Variants in NEXMIF observed in about 807,000 individuals in gnomAD.
The protein encoded by NEXMIF is neurite extension and migration factor, also known as XLMR protein related to neurite extension.
A neutral mutation model predicts 62.1 loss-of-function variants in NEXMIF; 8 were observed. The ratio of observed to expected loss-of-function variants is 0.13; its 90% CI spans 0.08 to 0.23. The LOEUF is 0.23. Ranked by LOEUF, NEXMIF falls within the 10% of genes least tolerant of loss-of-function variation. The pLI is 1.00. For synonymous variants in NEXMIF, 404 were observed against 416.6 expected, an observed-to-expected ratio of 0.97 and a Z score of 0.37; for missense variants, 976 against 1,113.3, an observed-to-expected ratio of 0.88 and a Z score of 1.75.
chrX:74,922,268 G>A (rs2080829511), intron 1 of NEXMIF, among the ~76,000 whole-genome samples: 1 of 111,374 alleles, frequency 9.0e-6, no homozygotes, highest in African/African-American at 3.3e-5. Context: ...GAGGGAAAAG[G>A]GACAGACTTG....
At chrX:74,763,891 T>A (rs924297943) in intron 1 of NEXMIF, among the ~76,000 whole-genome samples, 3 of 112,030 alleles carry the variant, frequency 2.7e-5, no homozygotes, top group African/African-American at 9.7e-5. Context: ...GTTTTGTAGA[T>A]ATACAATCAT....
intron 1 of NEXMIF, among the ~76,000 whole-genome samples, chrX:74,809,399 C>A (rs2080354207): frequency 8.9e-6 from 1 of 112,093 alleles, no homozygotes; most frequent in African/African-American, 3.2e-5. Flanking sequence ...ATCTGTCAAG[C>A]ATGGAGCCTG....
intron 1 of NEXMIF, among the ~76,000 whole-genome samples, chrX:74,789,221 G>A (rs1159348097): frequency 7.8e-5 from 8 of 102,083 alleles, no homozygotes; most frequent in Admixed American, 1.1e-4. Context: ...GAGAATATGC[G>A]GTGTTTGGTT....
chrX:74,742,991 T>G lies in NEXMIF; in HGVS notation c.1566A>C (p.Glu522Asp), dbSNP rs757681423. 11 of 1,211,485 alleles carry G rather than the reference T, an allele frequency of 9.1e-6. No homozygotes were observed. The highest frequency in any genetic ancestry group is 1.2e-5 in the Non-Finnish European group (11 of 895,390). ...PVGSKEEDDD[E>D]WCPKKRRKVT... ...CTTTTCTTCTCTTTTTGGGACACCA[T>G]TCATCATCATCTTCCTCTTTGGAAC... Residue 522 changes from glutamate (E) to aspartate (D), a missense_variant, in exon 3 of 4, where the codon GAA (glutamate) becomes GAC (aspartate). By Grantham distance (45) the Glu-to-Asp change is conservative. Around this residue, in one of 5 missense-constraint regions of NEXMIF, gnomAD observed 639 missense variants for 694.5 expected, o/e 0.92. Coordinates refer to ENST00000055682, the MANE Select transcript of NEXMIF (RefSeq NM_001008537.3).
At chrX:74,810,650 A>AC (rs2080357667) in intron 1 of NEXMIF, among the ~76,000 whole-genome samples, 1 of 108,075 alleles carries the variant, frequency 9.3e-6, no homozygotes, top group Non-Finnish European at 1.9e-5. Flanking sequence ...AAAAAAAAAA[A>AC]GGAAATCTGT....
intron 1 of NEXMIF, among the ~76,000 whole-genome samples, chrX:74,748,596 T>C (rs1281568240): frequency 8.9e-6 from 1 of 112,337 alleles, no homozygotes; most frequent in Admixed American, 9.4e-5. Context: ...ATTGCTTTGC[T>C]GATCACAGTA....
intron 1 of NEXMIF, among the ~76,000 whole-genome samples, chrX:74,885,122 G>A (rs1236976879): frequency 9.1e-6 from 1 of 110,387 alleles, no homozygotes; most frequent in East Asian, 2.8e-4. Flanking sequence ...CAACATACCA[G>A]AATCTCTGGG....
intron 1 of NEXMIF, among the ~76,000 whole-genome samples, chrX:74,920,974 G>A (rs1215406087): frequency 9.0e-6 from 1 of 111,560 alleles, no homozygotes; most frequent in Non-Finnish European, 1.9e-5. Flanking sequence ...GGGCTTGAGG[G>A]TGCTAGAGAA....
At chrX:74,791,213 T>C (rs1195741264) in intron 1 of NEXMIF, among the ~76,000 whole-genome samples, 1 of 111,898 alleles carries the variant, frequency 8.9e-6, no homozygotes, top group African/African-American at 3.3e-5. Flanking sequence ...TCAAAGGCTT[T>C]TTCTGCATCT....
At chrX:74,878,858 T>C (rs1159790510) in intron 1 of NEXMIF, among the ~76,000 whole-genome samples, 1 of 112,140 alleles carries the variant, frequency 8.9e-6, no homozygotes, top group Non-Finnish European at 1.9e-5. Flanking sequence ...TCGCGCATGG[T>C]GCGCGCACCC....
chrX:74,788,834 G>C (rs2080268584), intron 1 of NEXMIF, among the ~76,000 whole-genome samples: 1 of 110,516 alleles, frequency 9.0e-6, no homozygotes. Context: ...ATAATTTTCA[G>C]TCTCCCACAA....
intron 1 of NEXMIF, among the ~76,000 whole-genome samples, chrX:74,867,006 C>A (rs2080582282): frequency 8.9e-6 from 1 of 111,977 alleles, no homozygotes; most frequent in Non-Finnish European, 1.9e-5. Flanking sequence ...AGGGGAGAAA[C>A]AAATCATAAA....
intron 1 of NEXMIF, among the ~76,000 whole-genome samples, chrX:74,813,910 A>C (rs1328888671): frequency 8.9e-6 from 1 of 111,984 alleles, no homozygotes; most frequent in African/African-American, 3.2e-5. Context: ...TATATAATAC[A>C]CATGAAAAGG....
intron 1 of NEXMIF, among the ~76,000 whole-genome samples, chrX:74,920,645 T>C (rs1256636061): frequency 8.9e-6 from 1 of 112,139 alleles, no homozygotes; most frequent in Non-Finnish European, 1.9e-5. Context: ...ATCCCATTTG[T>C]CAATTTTGTT....
chrX:74,871,038 T>A (rs1329422506), intron 1 of NEXMIF, among the ~76,000 whole-genome samples: 1 of 112,088 alleles, frequency 8.9e-6, no homozygotes, highest in Non-Finnish European at 1.9e-5. Flanking sequence ...TGCAGCAGTA[T>A]TCACAATAGC....
intron 1 of NEXMIF, among the ~76,000 whole-genome samples, chrX:74,859,406 G>A (rs1052613700): frequency 9.0e-6 from 1 of 111,376 alleles, no homozygotes; most frequent in Non-Finnish European, 1.9e-5. Flanking sequence ...AGTATATCCC[G>A]TGAAAATTGC....
chrX:74,888,547 T>G (rs1157901766), intron 1 of NEXMIF, among the ~76,000 whole-genome samples: 1 of 108,165 alleles, frequency 9.2e-6, no homozygotes, highest in Non-Finnish European at 1.9e-5. Context: ...TGTTGAGGGG[T>G]GAGGGGCTAG....
intron 1 of NEXMIF, among the ~76,000 whole-genome samples, chrX:74,876,447 C>G: frequency 9.0e-6 from 1 of 111,084 alleles, no homozygotes; most frequent in Middle Eastern, 4.6e-3. Context: ...TAGTGTGGTG[C>G]TGAAAAAAAT....
Position 74,801,340 on chromosome X carries a change from T to A in NEXMIF, c.-47-55643A>T, listed in dbSNP as rs372995432. 1.8e-4 allele frequency among the ~76,000 whole-genome samples: 20 copies of A among 111,973 alleles called. 1 individual carries two copies. In the East Asian group the frequency reaches 3.1e-3, roughly 17 times the overall value. ...CTCATTTGGATAAATACAAGTAGCA[T>A]GATTACTGGATCATATGGTAAGAAT... On this transcript the variant is annotated intron_variant, in intron 1 of 3. Coordinates refer to ENST00000055682, the MANE Select transcript of NEXMIF (RefSeq NM_001008537.3).
Sources: allele counts gnomAD v4.1 joint callset (sites outside exome capture counted in the v4.1 genomes callset), GRCh38; gene constraint gnomAD v4.1.1; regional missense constraint gnomAD v4.1.1; transcripts MANE v1.5; gene names NCBI Gene and HGNC (gene_info 2026-07-23, HGNC 2026-07-21).